The following SUGCT variants were observed in gnomAD, a reference collection of about 807,000 sequenced individuals.
SUGCT encodes the protein succinyl-CoA:glutarate CoA-transferase.
In SUGCT, 41 loss-of-function variants were observed where a neutral mutation model predicts 55.0. That is an observed-to-expected ratio of 0.74 (90% CI 0.58 to 0.97). The LOEUF (loss-of-function observed/expected upper bound fraction) is 0.97. Among genes scored for constraint, SUGCT ranks in the 50% least tolerant of loss-of-function variants. The pLI, the probability that SUGCT is intolerant of heterozygous loss-of-function variation, is 0.00. For missense variants in SUGCT, 568 were observed against 547.8 expected, an observed-to-expected ratio of 1.04 and a Z score of -0.37; for synonymous variants, 187 against 200.4, an observed-to-expected ratio of 0.93 and a Z score of 0.56.
chr7:40,771,770 T>A (rs947384645), intron 13 of SUGCT, among the ~76,000 whole-genome samples: 2 of 152,172 alleles, frequency 1.3e-5, no homozygotes, highest in Admixed American at 1.3e-4. Context: ...ACATGTAATC[T>A]AATAGGAAAG....
chr7:40,807,011 G>GA (rs1260208100), intron 13 of SUGCT, among the ~76,000 whole-genome samples: 1 of 152,148 alleles, frequency 6.6e-6, no homozygotes, highest in Non-Finnish European at 1.5e-5. Flanking sequence ...AAAGTTGTAC[G>GA]ATTGAGTGAG....
chr7:40,681,974 G>T (rs990232326), intron 12 of SUGCT, among the ~76,000 whole-genome samples: 3 of 152,146 alleles, frequency 2.0e-5, no homozygotes, highest in African/African-American at 4.8e-5. Context: ...CAAGTCAGGG[G>T]TGCATGTGAA....
chr7:40,909,762 T>G, the SUGCT span, among the ~76,000 whole-genome samples: 1 of 152,204 alleles, frequency 6.6e-6, no homozygotes, highest in Non-Finnish European at 1.5e-5. Context: ...TCCAAGGTTA[T>G]GAGGTAGTTT....
At chr7:40,529,907 T>C (rs1217443631) in intron 12 of SUGCT, among the ~76,000 whole-genome samples, 1 of 152,182 alleles carries the variant, frequency 6.6e-6, no homozygotes, top group African/African-American at 2.4e-5. Flanking sequence ...ACAAGGAAAG[T>C]TGACTTTTCT....
intron 13 of SUGCT, among the ~76,000 whole-genome samples, chr7:40,842,854 A>C (rs1431625826): frequency 6.6e-6 from 1 of 152,210 alleles, no homozygotes; most frequent in Non-Finnish European, 1.5e-5. Context: ...TGCAGTGAGA[A>C]CAGACACATT....
chr7:40,991,041 C>T, the SUGCT span, among the ~76,000 whole-genome samples: 1 of 152,220 alleles, frequency 6.6e-6, no homozygotes, highest in Non-Finnish European at 1.5e-5. Context: ...CTACTTGGCA[C>T]AAGAGGCCTA....
chr7:40,771,199 A>C (rs1359477884), intron 13 of SUGCT, among the ~76,000 whole-genome samples: 1 of 152,220 alleles, frequency 6.6e-6, no homozygotes, highest in African/African-American at 2.4e-5. Flanking sequence ...ATAGCAAAAC[A>C]TACTTAGATT....
chr7:40,222,542 A>G (rs1411584729), intron 6 of SUGCT, among the ~76,000 whole-genome samples: 1 of 152,220 alleles, frequency 6.6e-6, no homozygotes, highest in African/African-American at 2.4e-5. Flanking sequence ...AGCTACTCAG[A>G]TATTTCTCAA....
chr7:40,744,395 A>G (rs925449447), intron 12 of SUGCT, among the ~76,000 whole-genome samples: 1 of 152,176 alleles, frequency 6.6e-6, no homozygotes, highest in African/African-American at 2.4e-5. Flanking sequence ...TAATAGGACC[A>G]CATGGTGTCA....
At chr7:40,867,963 A>T in the SUGCT span, among the ~76,000 whole-genome samples, 1 of 152,142 alleles carries the variant, frequency 6.6e-6, no homozygotes, top group Admixed American at 6.5e-5. Context: ...ACTCTATAGG[A>T]GATACATAAC....
At chr7:40,677,630 G>A (rs906454500) in intron 12 of SUGCT, among the ~76,000 whole-genome samples, 16 of 152,112 alleles carry the variant, frequency 1.1e-4, no homozygotes, top group Admixed American at 9.8e-4. Flanking sequence ...TGTCTCACTG[G>A]TCAGAACGAG....
chr7:40,707,996 C>T (rs983656474), intron 12 of SUGCT, among the ~76,000 whole-genome samples: 1 of 152,052 alleles, frequency 6.6e-6, no homozygotes, highest in African/African-American at 2.4e-5. Context: ...GATATACAAT[C>T]TTTCTTTGTG....
chr7:40,781,132 T>C (rs927500313), intron 13 of SUGCT, among the ~76,000 whole-genome samples: 7 of 152,164 alleles, frequency 4.6e-5, no homozygotes, highest in African/African-American at 1.7e-4. Flanking sequence ...GGAGTCTGTA[T>C]CAGCTCGCTG....
intron 9 of SUGCT, among the ~76,000 whole-genome samples, chr7:40,439,970 C>T (rs890674028): frequency 1.3e-5 from 2 of 152,082 alleles, no homozygotes; most frequent in African/African-American, 4.8e-5. Flanking sequence ...CCTCATCTTA[C>T]GCTCTGAGTA....
chr7:40,903,018 A>T, the SUGCT span, among the ~76,000 whole-genome samples: 12 of 149,806 alleles, frequency 8.0e-5, no homozygotes, highest in African/African-American at 2.5e-4. Context: ...ACTTTCTTTC[A>T]TTTCTTTTCT....
intron 9 of SUGCT, among the ~76,000 whole-genome samples, chr7:40,364,611 A>G (rs1286216836): frequency 6.6e-6 from 1 of 152,126 alleles, no homozygotes; most frequent in Non-Finnish European, 1.5e-5. Context: ...TGGGTTGAAA[A>G]TTCTTTTCTT....
At chr7:40,606,273 G>T (rs1798532252) in intron 12 of SUGCT, among the ~76,000 whole-genome samples, 1 of 152,196 alleles carries the variant, frequency 6.6e-6, no homozygotes, top group Non-Finnish European at 1.5e-5. Context: ...AGGAAGCATT[G>T]AAGAAGACTG....
chr7:40,745,966 G>A (rs1787709966), intron 12 of SUGCT, among the ~76,000 whole-genome samples: 2 of 152,170 alleles, frequency 1.3e-5, no homozygotes, highest in South Asian at 4.1e-4. Context: ...GGTGATAGAG[G>A]TTGGGGTGTT....
chr7:40,750,203 C>A (rs1409327297), intron 13 of SUGCT, among the ~76,000 whole-genome samples: 1 of 152,184 alleles, frequency 6.6e-6, no homozygotes, highest in Non-Finnish European at 1.5e-5. Context: ...CCTCCCACAG[C>A]CTCCATTTCT....
Sources: gnomAD v4.1 joint callset for allele counts (sites outside exome capture counted in the v4.1 genomes callset) on GRCh38, gnomAD v4.1.1 for gene constraint, MANE v1.5 for transcripts, NCBI Gene and HGNC (gene_info 2026-07-23, HGNC 2026-07-21) for gene names.